Variants in NLN observed in about 807,000 individuals in gnomAD.
NLN encodes neurolysin, mitochondrial.
Under a neutral mutation model 79.9 loss-of-function variants are expected in NLN, and 64 were observed. That is an observed-to-expected ratio of 0.80 (90% confidence interval 0.65 to 0.99). NLN has a LOEUF of 0.99. NLN is among the 50% of genes least tolerant of loss of function. The pLI is 0.00. For synonymous variants in NLN, 267 were observed against 296.6 expected (o/e 0.90, Z 1.02); for missense variants, 835 against 858.7 (o/e 0.97, Z 0.34).
At position 65,785,885 on chromosome 5, in the gene NLN, C is replaced by T. The variant is rs754857620; in HGVS notation, c.933C>T (p.Ser311=). The part of the protein sequence containing the change: ...DFVLEMNTAK[S]TSRVTAFLDD... ...TCCTTGAAATGAACACTGCAAAGAGCACAAGCCGCGTAACAGCCTTTCTAG... is the reference window on the plus strand; with the variant it reads ...TCCTTGAAATGAACACTGCAAAGAGTACAAGCCGCGTAACAGCCTTTCTAG... Residue 311 remains serine (S), a synonymous_variant, in exon 7 of 13, where the codon AGC becomes AGT. Transcript: ENST00000380985. 6.2e-7 allele frequency: 1 copy of T among 1,613,302 alleles called. No homozygotes were observed. Among genetic ancestry groups the T allele is most frequent in the Non-Finnish European group, 8.5e-7 (1 of 1,179,552 alleles).
In NLN at chr5:65,827,258, T is replaced by C. The variant is rs1760937365; in HGVS notation, c.*4343T>C. ...GTTGAATTCACCTTGTAGTTCCCTT[T>C]CCTGAGAAAATACAGGTTCAACACA... On this transcript the variant is annotated 3_prime_UTR_variant, in exon 13 of 13. Coordinates refer to ENST00000380985, the MANE Select transcript of NLN (RefSeq NM_020726.5). 1 of 152,150 alleles carries C rather than the reference T, an allele frequency of 6.6e-6. No individual in the cohort carries two copies. Among genetic ancestry groups the C allele is most frequent in the South Asian group, 2.1e-4 (1 of 4,824 alleles). 9.4% of individuals were successfully genotyped at this position (152,150 alleles called of 1,614,324 possible).
At position 65,746,760 on chromosome 5, in the gene NLN, T is replaced by C. The variant is rs188252081; in HGVS notation, c.42-11807T>C. ...TGGCTCACGCCTGTAATCCCAGCAC[T>C]TTGGGAGGCCGAGGCAGGCGGATCA... is the stretch of plus-strand genomic sequence containing the variant. On this transcript the variant is annotated intron_variant, in intron 1 of 12. Coordinates refer to ENST00000380985, the MANE Select transcript of NLN (RefSeq NM_020726.5). 3.0e-3 allele frequency among the ~76,000 whole-genome samples: 458 copies of C among 152,126 alleles called. 2 individuals are homozygous for C. The highest frequency in any genetic ancestry group is 3.1e-3 in the Non-Finnish European group (211 of 67,982).
At chr5:65,788,558 A>G (rs1759987873) in intron 8 of NLN, 74 bp downstream of exon 8, 14 of 1,439,732 alleles carry the variant, frequency 9.7e-6, no homozygotes, top group African/African-American at 5.6e-5. Flanking sequence ...ACTCTTGGCC[A>G]GGCACAGTGG....
rs373308764 is a variant in NLN, at chr5:65,822,832, G to A, written c.2032G>A (p.Gly678Ser). 64 of 1,611,258 alleles carry A rather than the reference G, an allele frequency of 4.0e-5. No individual in the cohort carries two copies. The highest frequency in any genetic ancestry group is 1.6e-4 in the African/African-American group (12 of 74,806). ...LILKPGGSLD[G>S]MDMLHNFLKR... is the part of the protein sequence containing the mutation. ...CCTGAAACCTGGGGGATCTCTGGAC[G>A]GCATGGACATGCTCCACAATTTCTT... Residue 678 changes from glycine to serine, a missense_variant, in exon 13 of 13, where the codon GGC becomes AGC. Gly to Ser is a moderately conservative substitution (Grantham distance 56, BLOSUM62 0). Transcript: ENST00000380985.
intron 3 of NLN, among the ~76,000 whole-genome samples, chr5:65,767,319 C>T (rs1561193238): frequency 6.6e-6 from 1 of 152,222 alleles, no homozygotes; most frequent in Non-Finnish European, 1.5e-5. Context: ...TGCACACCTA[C>T]AGGCCCAATA....
chr5:65,781,064 G>A (rs1759790240), intron 5 of NLN, among the ~76,000 whole-genome samples, 197 bp from the exon 6 acceptor site: 2 of 152,022 alleles, frequency 1.3e-5, no homozygotes, highest in Non-Finnish European at 2.9e-5. Flanking sequence ...TTGAATTGCC[G>A]TCTCCCAAGG....
chr5:65,740,068 C>G lies in NLN; in HGVS notation c.41+17654C>G, dbSNP rs6871035. Among the ~76,000 whole-genome samples, 1,296 of 152,172 alleles carry G rather than the reference C, an allele frequency of 8.5e-3. 15 individuals carry two copies. The highest frequency in any genetic ancestry group is 0.029 in the African/African-American group (1,224 of 41,514). On this transcript the variant is annotated intron_variant, in intron 1 of 12. Transcript: ENST00000380985. Reference sequence around the variant, plus strand: ...GGGGTCATATCCAAAAAATCATTGCCCACACTAGTGTTATGGAGCTTTTCC... The same window carrying G: ...GGGGTCATATCCAAAAAATCATTGCGCACACTAGTGTTATGGAGCTTTTCC...
At chr5:65,735,143 CTT>C (rs1561178617) in intron 1 of NLN, among the ~76,000 whole-genome samples, 1 of 152,114 alleles carries the variant, frequency 6.6e-6, no homozygotes. Flanking sequence ...GCTTTTTCCT[CTT>C]TGCTCAGCAC....
chr5:65,796,428 T>A (rs1760175269), intron 9 of NLN, among the ~76,000 whole-genome samples: 2 of 152,224 alleles, frequency 1.3e-5, no homozygotes, highest in Admixed American at 6.5e-5. Flanking sequence ...ACTGAACTAT[T>A]AATATATATA....
rs192858836 is a variant in NLN at position 65,807,421 on chromosome 5, G to T, written c.1528-2094G>T. On this transcript the variant is annotated intron_variant, in intron 9 of 12. Transcript: ENST00000380985. ...TATAAGGTGTATACATTGTCTTTGT[G>T]GGTGTTTTTGGTTTTGATTTTTTTT... 6.6e-5 allele frequency among the ~76,000 whole-genome samples: 10 copies of T among 151,646 alleles called. No homozygotes were observed. In the East Asian group the frequency reaches 1.9e-3, roughly 29 times the overall value.
intron 1 of NLN, among the ~76,000 whole-genome samples, chr5:65,723,328 G>A (rs950492766): frequency 6.6e-6 from 1 of 152,182 alleles, no homozygotes; most frequent in Non-Finnish European, 1.5e-5. Flanking sequence ...TGCTCAGTCC[G>A]TAGAGTTAGG....
At chr5:65,810,669 T>C (rs1760525620) in intron 11 of NLN, among the ~76,000 whole-genome samples, 1 of 152,242 alleles carries the variant, frequency 6.6e-6, no homozygotes, top group Admixed American at 6.5e-5. Flanking sequence ...ATAGTCATCC[T>C]GTTATGCTAT....
intron 1 of NLN, among the ~76,000 whole-genome samples, chr5:65,751,205 A>G (rs937444991): frequency 2.6e-5 from 4 of 152,226 alleles, no homozygotes; most frequent in African/African-American, 9.6e-5. Context: ...ACCATGTAGT[A>G]CAACACAGTG....
At chr5:65,771,094 A>G (rs1240417270) in intron 3 of NLN, among the ~76,000 whole-genome samples, 1 of 152,198 alleles carries the variant, frequency 6.6e-6, no homozygotes, top group Non-Finnish European at 1.5e-5. Context: ...CACTACATAT[A>G]TATAGTTATA....
At chr5:65,781,516 G>T in intron 6 of NLN, 95 bp downstream of exon 6, 1 of 884,924 alleles carries the variant, frequency 1.1e-6, no homozygotes, top group Non-Finnish European at 1.8e-6. Context: ...CTCAGAGACT[G>T]ATATTCCTGT....
At chr5:65,785,544 T>C (rs966308829) in intron 6 of NLN, among the ~76,000 whole-genome samples, 1 of 149,742 alleles carries the variant, frequency 6.7e-6, no homozygotes, top group African/African-American at 2.5e-5. Context: ...TATTAAGACC[T>C]CATAGTTCTG....
intron 1 of NLN, among the ~76,000 whole-genome samples, chr5:65,738,135 GAAA>G (rs5868418): frequency 8.0e-6 from 1 of 124,646 alleles, no homozygotes; most frequent in Non-Finnish European, 1.7e-5. Flanking sequence ...TCTCACAAAA[GAAA>G]AAAAAAAAAA....
In NLN at chr5:65,733,961, G is replaced by A. The variant is rs191912699; in HGVS notation, c.41+11547G>A. 4.4e-4 allele frequency among the ~76,000 whole-genome samples: 59 copies of A among 134,060 alleles called. 6 individuals carry two copies. The highest frequency in any genetic ancestry group is 3.0e-3 in the Admixed American group (41 of 13,732). The allele number at this position is 134,060 out of a possible 152,430, so 87.9% of individuals were successfully genotyped here. On this transcript the variant is annotated intron_variant, in intron 1 of 12. Transcript: ENST00000380985. ...CACCCAGGCTGGAGTGCACTGGCAC[G>A]ACTTCGGCTCACTGCAACCTCTGCC...
chr5:65,788,410 T>C lies in NLN; in HGVS notation c.1251T>C (p.Ser417=). 1 of 1,613,722 alleles carries C rather than the reference T, an allele frequency of 6.2e-7. No individual in the cohort carries two copies. The highest frequency in any genetic ancestry group is 1.1e-5 in the South Asian group (1 of 91,076). ...QMTDAHVWNK[S]VTLYTVKDKA... Reference sequence around the variant, plus strand: ...CAGATGCTCATGTTTGGAACAAGAGTGTTACACTTTATACTGTGAAGGATA... The same window carrying C: ...CAGATGCTCATGTTTGGAACAAGAGCGTTACACTTTATACTGTGAAGGATA... The change falls in exon 8 of 13, where the codon AGT becomes AGC. Residue 417 remains serine (S), a synonymous_variant. Coordinates refer to ENST00000380985, the MANE Select transcript of NLN (RefSeq NM_020726.5).
Sources: allele counts gnomAD v4.1 joint callset (sites outside exome capture counted in the v4.1 genomes callset), GRCh38; gene constraint gnomAD v4.1.1; transcripts MANE v1.5; gene names NCBI Gene and HGNC (gene_info 2026-07-23, HGNC 2026-07-21).